CALN1: variants seen among roughly 807,000 people sequenced by gnomAD.
CALN1 encodes the protein calneuron 1.
CALN1 carries 17 observed loss-of-function variants against 30.6 expected under a neutral mutation model. The observed-to-expected ratio is 0.56, with a 90% CI of 0.38 to 0.83. The LOEUF (loss-of-function observed/expected upper bound fraction) is 0.83, where lower values mean the gene tolerates loss of function less well. Among genes scored for constraint, CALN1 ranks in the 40% least tolerant of loss-of-function variants. The pLI is 0.00. For synonymous variants in CALN1, 156 were observed against 131.4 expected (o/e 1.19, Z -1.28); for missense variants, 291 against 354.9 (o/e 0.82, Z 1.45).
chr7:71,958,285 C>A (rs1446475520), intron 5 of CALN1, among the ~76,000 whole-genome samples: 1 of 152,016 alleles, frequency 6.6e-6, no homozygotes, highest in East Asian at 1.9e-4. Context: ...ATCTACTGTT[C>A]CCCTCTGTTT....
chr7:72,463,088 C>T, the CALN1 span, among the ~76,000 whole-genome samples: 1 of 152,138 alleles, frequency 6.6e-6, no homozygotes. Context: ...GACACTGAGG[C>T]TCACAGAGCC....
chr7:72,119,659 C>T (rs181681140), intron 3 of CALN1, among the ~76,000 whole-genome samples: 1 of 151,968 alleles, frequency 6.6e-6, no homozygotes, highest in Non-Finnish European at 1.5e-5. Context: ...GCTGGGGAGG[C>T]CTTACAGTCA....
At chr7:72,370,874 C>A (rs532193636) in intron 2 of CALN1, among the ~76,000 whole-genome samples, 1 of 151,890 alleles carries the variant, frequency 6.6e-6, no homozygotes, top group South Asian at 2.1e-4. Context: ...GGTGAAGCCG[C>A]ATCTCTACTA....
At chr7:71,993,953 T>C (rs1799100562) in intron 5 of CALN1, among the ~76,000 whole-genome samples, 1 of 152,212 alleles carries the variant, frequency 6.6e-6, no homozygotes, top group Admixed American at 6.5e-5. Flanking sequence ...TGTTGAATTA[T>C]ACGACTGAAA....
chr7:72,220,045 TTTA>T (rs965077421), intron 3 of CALN1, among the ~76,000 whole-genome samples: 5 of 152,038 alleles, frequency 3.3e-5, no homozygotes, highest in Middle Eastern at 3.2e-3. Flanking sequence ...TTTTTTTTGT[TTTA>T]TTATTATTAT....
chr7:72,408,556 G>C (rs961007410), intron 1 of CALN1, among the ~76,000 whole-genome samples: 3 of 151,918 alleles, frequency 2.0e-5, no homozygotes, highest in Non-Finnish European at 1.5e-5. Context: ...ACAAGGCCCT[G>C]GTCATCATGG....
At chr7:72,168,799 ATTATTATTT>A (rs1177301735) in intron 3 of CALN1, among the ~76,000 whole-genome samples, 21 of 112,440 alleles carry the variant, frequency 1.9e-4, no homozygotes, top group African/African-American at 8.2e-4. Context: ...TATTATTATT[ATTATTATTT>A]TTTTTTTTTT....
At chr7:72,329,209 C>T (rs1381081708) in intron 2 of CALN1, among the ~76,000 whole-genome samples, 1 of 152,130 alleles carries the variant, frequency 6.6e-6, no homozygotes, top group Non-Finnish European at 1.5e-5. Context: ...TTAACTGGTA[C>T]GTTAGAAATC....
At chr7:72,001,250 G>A (rs1799514595) in intron 5 of CALN1, among the ~76,000 whole-genome samples, 2 of 152,122 alleles carry the variant, frequency 1.3e-5, no homozygotes, top group Admixed American at 6.5e-5. Context: ...CAGCATCAGG[G>A]AAAGGCAGTC....
chr7:72,212,290 C>T (rs965271112), intron 3 of CALN1, among the ~76,000 whole-genome samples: 1 of 145,470 alleles, frequency 6.9e-6, no homozygotes, highest in Non-Finnish European at 1.5e-5. Flanking sequence ...TGGAGGACTG[C>T]AGTGAGCGGA....
At chr7:71,800,843 T>C (rs1208404911) in intron 6 of CALN1, among the ~76,000 whole-genome samples, 1 of 152,172 alleles carries the variant, frequency 6.6e-6, no homozygotes, top group Admixed American at 6.5e-5. Context: ...ATGATACATG[T>C]GCAGAATGTG....
chr7:72,185,292 G>T (rs1790106406), intron 3 of CALN1, among the ~76,000 whole-genome samples: 1 of 152,148 alleles, frequency 6.6e-6, no homozygotes, highest in Admixed American at 6.5e-5. Flanking sequence ...AGGAGCATTT[G>T]CTGGGAGATG....
At chr7:72,251,031 CAT>C (rs1435421692) in intron 3 of CALN1, among the ~76,000 whole-genome samples, 2 of 152,118 alleles carry the variant, frequency 1.3e-5, no homozygotes, top group Non-Finnish European at 2.9e-5. Flanking sequence ...CCATTAAAGA[CAT>C]AGAGACCAGA....
chr7:72,334,648 C>G (rs1007850489), intron 2 of CALN1, among the ~76,000 whole-genome samples: 3 of 152,192 alleles, frequency 2.0e-5, no homozygotes, highest in East Asian at 1.9e-4. Flanking sequence ...GCACCCTAGC[C>G]GAAGGCCTGA....
At chr7:72,387,420 A>C (rs1043540767) in intron 2 of CALN1, among the ~76,000 whole-genome samples, 5 of 152,138 alleles carry the variant, frequency 3.3e-5, no homozygotes, top group Non-Finnish European at 5.9e-5. Flanking sequence ...CTTTCTCCCA[A>C]AGGATACAGT....
chr7:71,814,069 C>T (rs1204785795), intron 5 of CALN1, among the ~76,000 whole-genome samples: 1 of 151,932 alleles, frequency 6.6e-6, no homozygotes, highest in African/African-American at 2.4e-5. Flanking sequence ...TGGAAAAGGA[C>T]AGCTTTCCTG....
chr7:72,010,596 G>C (rs1800014692), intron 5 of CALN1, among the ~76,000 whole-genome samples: 1 of 151,982 alleles, frequency 6.6e-6, no homozygotes. Flanking sequence ...CGAATCACCT[G>C]CATTCAGGAG....
In CALN1 at chr7:72,230,704, C is replaced by T. The variant is rs1019595434; in HGVS notation, c.244+47982G>A. ...AAGGAATGTAGCCCTGATAATATCCCTATTTTATCCCAGTAAGATGCATTC... is the reference window on the plus strand; with the variant it reads ...AAGGAATGTAGCCCTGATAATATCCTTATTTTATCCCAGTAAGATGCATTC... On this transcript the variant is annotated intron_variant, in intron 3 of 6. Transcript: ENST00000395275. Among the ~76,000 whole-genome samples, 13 of 152,116 alleles carry T rather than the reference C, an allele frequency of 8.5e-5. 1 individual carries two copies. The highest frequency in any genetic ancestry group is 2.7e-4 in the African/African-American group (11 of 41,420).
intron 3 of CALN1, among the ~76,000 whole-genome samples, chr7:72,248,836 AAT>A (rs1014231851): frequency 3.3e-5 from 5 of 152,164 alleles, no homozygotes; most frequent in South Asian, 2.1e-4. Context: ...TTTTTTCAAA[AAT>A]ATAATCTCAA....
Sources: allele counts gnomAD v4.1 joint callset (sites outside exome capture counted in the v4.1 genomes callset), GRCh38; gene constraint gnomAD v4.1.1; transcripts MANE v1.5; gene names NCBI Gene and HGNC (gene_info 2026-07-23, HGNC 2026-07-21).